Variants in MYO3B observed in about 807,000 individuals in gnomAD.
MYO3B encodes myosin IIIB.
Under a neutral mutation model 174.6 loss-of-function variants are expected in MYO3B, and 156 were observed. That is an observed-to-expected ratio of 0.89 (90% CI 0.78 to 1.02). The LOEUF (loss-of-function observed/expected upper bound fraction) is 1.02, where lower values mean the gene tolerates loss of function less well. Among genes scored for constraint, MYO3B ranks in the 50% least tolerant of loss-of-function variants. The probability of loss-of-function intolerance (pLI) is 0.00; values close to 1 mark genes in which losing one functional copy is unlikely to be tolerated. For missense variants in MYO3B, 1,632 were observed against 1,639.4 expected (o/e 1.00, Z 0.08); for synonymous variants, 563 against 569.1 (o/e 0.99, Z 0.15).
chr2:170,569,282 T>C (rs887734951), intron 32 of MYO3B, among the ~76,000 whole-genome samples: 5 of 151,980 alleles, frequency 3.3e-5, no homozygotes, highest in Admixed American at 3.3e-4. Context: ...CTTTTGCATC[T>C]CCCCAGAGCT....
chr2:170,574,830 T>A (rs1187075581), intron 32 of MYO3B, among the ~76,000 whole-genome samples: 1 of 152,194 alleles, frequency 6.6e-6, no homozygotes, highest in Non-Finnish European at 1.5e-5. Context: ...TACCCCTGTT[T>A]CACTGAAGAG....
chr2:170,594,847 A>G, intron 32 of MYO3B, among the ~76,000 whole-genome samples: 1 of 146,792 alleles, frequency 6.8e-6, no homozygotes, highest in African/African-American at 2.7e-5. Context: ...ACACACACAC[A>G]CACACACACA....
chr2:170,556,051 C>T (rs1691267873), intron 32 of MYO3B, among the ~76,000 whole-genome samples: 1 of 151,996 alleles, frequency 6.6e-6, no homozygotes, highest in Non-Finnish European at 1.5e-5. Context: ...CAAAAATTAG[C>T]TGGGCGTAAT....
At chr2:170,185,742 C>T (rs151208344) in intron 1 of MYO3B, among the ~76,000 whole-genome samples, 13 of 152,162 alleles carry the variant, frequency 8.5e-5, no homozygotes, top group African/African-American at 2.6e-4. Flanking sequence ...GTAGTATGGA[C>T]GTTTTAACAA....
chr2:170,594,183 C>A (rs1015771099), intron 32 of MYO3B, among the ~76,000 whole-genome samples: 13 of 152,134 alleles, frequency 8.5e-5, no homozygotes, highest in African/African-American at 3.1e-4. Context: ...ACAAATGCCT[C>A]AAGTTAGGCC....
At chr2:170,548,532 G>T (rs1369937240) in intron 32 of MYO3B, among the ~76,000 whole-genome samples, 1 of 152,168 alleles carries the variant, frequency 6.6e-6, no homozygotes, top group Non-Finnish European at 1.5e-5. Context: ...GCCAGTGAGT[G>T]GGAGAGTGGC....
chr2:170,392,667 C>T (rs1176158025), intron 16 of MYO3B, among the ~76,000 whole-genome samples, 172 bp downstream of exon 16: 2 of 152,138 alleles, frequency 1.3e-5, no homozygotes, highest in Non-Finnish European at 2.9e-5. Flanking sequence ...ATTGTTATCA[C>T]CTGAGAACTT....
At chr2:170,466,832 G>A (rs1684670868) in intron 25 of MYO3B, 121 bp downstream of exon 25, 2 of 996,812 alleles carry the variant, frequency 2.0e-6, no homozygotes, top group Non-Finnish European at 2.9e-6. Context: ...CTAGTTGCCA[G>A]CTACCATTTA....
chr2:170,304,558 A>G (rs1433529649), intron 7 of MYO3B, among the ~76,000 whole-genome samples: 1 of 147,632 alleles, frequency 6.8e-6, no homozygotes, highest in Non-Finnish European at 1.5e-5. Context: ...TTCATCTCCC[A>G]GGTTCAAGTG....
At chr2:170,528,829 G>A (rs1282864414) in intron 30 of MYO3B, among the ~76,000 whole-genome samples, 1 of 152,076 alleles carries the variant, frequency 6.6e-6, no homozygotes, top group Non-Finnish European at 1.5e-5. Flanking sequence ...CCCCATCAAG[G>A]CCTTCAATGT....
intron 27 of MYO3B, among the ~76,000 whole-genome samples, chr2:170,501,370 C>T (rs2106083847): frequency 6.6e-6 from 1 of 152,300 alleles, no homozygotes; most frequent in South Asian, 2.1e-4. Flanking sequence ...TCCCAAATAA[C>T]AGATTTTGAA....
chr2:170,512,146 G>A (rs990307073), intron 28 of MYO3B, among the ~76,000 whole-genome samples: 1 of 152,154 alleles, frequency 6.6e-6, no homozygotes, highest in Non-Finnish European at 1.5e-5. Flanking sequence ...TAATCAAAGT[G>A]GAAAATGCTT....
intron 8 of MYO3B, among the ~76,000 whole-genome samples, chr2:170,366,962 A>G (rs1274917377): frequency 6.6e-6 from 1 of 152,120 alleles, no homozygotes; most frequent in Admixed American, 6.5e-5. Context: ...GAAGTACCCA[A>G]AGGACCTTGT....
rs567673183 is a variant in MYO3B, at chr2:170,608,621, C to T, written c.3734-43007C>T. On this transcript the variant is annotated intron_variant, in intron 32 of 34. Transcript: ENST00000408978. ...CAATAGGAAAAAAAAAAACATACAA[C>T]TTTGCTCGTGGTCCCAGTATGCTTC... is the stretch of plus-strand genomic sequence containing the variant. Among the ~76,000 whole-genome samples the T allele has an allele frequency of 7.9e-5, 12 of 152,050 alleles. No individual in the cohort carries two copies. In the South Asian group the frequency reaches 2.1e-3, roughly 26 times the overall value.
intron 23 of MYO3B, among the ~76,000 whole-genome samples, chr2:170,446,449 A>G (rs2094843232): frequency 6.6e-6 from 1 of 152,128 alleles, no homozygotes; most frequent in Non-Finnish European, 1.5e-5. Context: ...CATGGCTCAG[A>G]CCCTGCCCAC....
intron 32 of MYO3B, among the ~76,000 whole-genome samples, chr2:170,635,619 A>G (rs200170523): frequency 2.0e-5 from 3 of 152,300 alleles, no homozygotes; most frequent in East Asian, 3.9e-4. Flanking sequence ...ATAATAAAAT[A>G]TATGTATATA....
At chr2:170,399,313 A>AAAATACC (rs1443561587) in intron 16 of MYO3B, among the ~76,000 whole-genome samples, 1 of 148,462 alleles carries the variant, frequency 6.7e-6, no homozygotes, top group Non-Finnish European at 1.5e-5. Flanking sequence ...TCTCTACTAA[A>AAAATACC]AAATACCAAA....
At chr2:170,605,510 C>A (rs550206323) in intron 32 of MYO3B, among the ~76,000 whole-genome samples, 1 of 152,224 alleles carries the variant, frequency 6.6e-6, no homozygotes, top group East Asian at 1.9e-4. Flanking sequence ...ACTCTTGATC[C>A]CCTCATGTCT....
At chr2:170,351,644 G>C (rs1326010525) in intron 8 of MYO3B, among the ~76,000 whole-genome samples, 1 of 152,072 alleles carries the variant, frequency 6.6e-6, no homozygotes, top group Non-Finnish European at 1.5e-5. Flanking sequence ...AAGTGAGAGG[G>C]AGAGAGAAAA....
Sources: gnomAD v4.1 joint callset for allele counts (sites outside exome capture counted in the v4.1 genomes callset) on GRCh38, gnomAD v4.1.1 for gene constraint, MANE v1.5 for transcripts, NCBI Gene and HGNC (gene_info 2026-07-23, HGNC 2026-07-21) for gene names.